Variants in BCL7A observed in about 807,000 individuals in gnomAD.
The protein encoded by BCL7A is B-cell CLL/lymphoma 7 protein family member A.
A neutral mutation model predicts 28.4 loss-of-function variants in BCL7A; 11 were observed. That is an observed-to-expected ratio of 0.39 (90% CI 0.24 to 0.64). The LOEUF (loss-of-function observed/expected upper bound fraction) is 0.64, where lower values mean the gene tolerates loss of function less well. Ranked by LOEUF, BCL7A falls within the 30% of genes least tolerant of loss-of-function variation. BCL7A has a pLI of 0.50. For missense variants in BCL7A, 222 were observed against 274.8 expected (o/e 0.81, Z 1.36); for synonymous variants, 123 against 103.3 (o/e 1.19, Z -1.15).
At chr12:122,031,049 CAG>C (rs1209536825) in intron 2 of BCL7A, among the ~76,000 whole-genome samples, 1 of 152,018 alleles carries the variant, frequency 6.6e-6, no homozygotes, top group Non-Finnish European at 1.5e-5. Context: ...CTTTTTGATA[CAG>C]AGTCTCACTC....
chr12:122,025,377 G>C (rs530484218), intron 1 of BCL7A, among the ~76,000 whole-genome samples: 3 of 152,236 alleles, frequency 2.0e-5, no homozygotes, highest in Middle Eastern at 3.4e-3. Flanking sequence ...TGTAATTTCA[G>C]CACTCTGGGA....
intron 1 of BCL7A, among the ~76,000 whole-genome samples, chr12:122,023,645 G>A (rs2135834839): frequency 6.6e-6 from 1 of 152,324 alleles, no homozygotes; most frequent in South Asian, 2.1e-4. Flanking sequence ...AGAAGGGGAG[G>A]CTTTCCAAAG....
intron 4 of BCL7A, among the ~76,000 whole-genome samples, chr12:122,045,143 G>C (rs1288849024): frequency 6.6e-6 from 1 of 152,152 alleles, no homozygotes; most frequent in Non-Finnish European, 1.5e-5. Flanking sequence ...CACTTTGGGA[G>C]GCCGAGGCAG....
intron 4 of BCL7A, among the ~76,000 whole-genome samples, chr12:122,049,914 A>G (rs912353119): frequency 6.6e-6 from 1 of 151,668 alleles, no homozygotes; most frequent in African/African-American, 2.4e-5. Context: ...AGTCATGGGT[A>G]GGATGACACC....
chr12:122,052,545 C>T (rs560647134), intron 4 of BCL7A, among the ~76,000 whole-genome samples: 10 of 152,344 alleles, frequency 6.6e-5, no homozygotes, highest in African/African-American at 1.2e-4. Flanking sequence ...AGGGCAACCA[C>T]GAAACTTTCT....
intron 1 of BCL7A, among the ~76,000 whole-genome samples, chr12:122,023,942 A>C (rs1883544907): frequency 1.3e-5 from 2 of 152,194 alleles, no homozygotes; most frequent in South Asian, 2.1e-4. Context: ...TCTCTGCTCG[A>C]GGAGGCGTGG....
intron 1 of BCL7A, among the ~76,000 whole-genome samples, chr12:122,022,973 C>T (rs916682743): frequency 6.6e-6 from 1 of 152,278 alleles, no homozygotes; most frequent in Non-Finnish European, 1.5e-5. Flanking sequence ...TGCCTCTCCA[C>T]ACCGGGAGCT....
At chr12:122,025,636 A>AAG (rs1565934113) in intron 1 of BCL7A, among the ~76,000 whole-genome samples, 1 of 149,650 alleles carries the variant, frequency 6.7e-6, no homozygotes, top group Admixed American at 6.7e-5. Flanking sequence ...CAAAAAAAAA[A>AAG]AAGAAGAAGA....
At chr12:122,036,566 A>G (rs1365570195) in intron 3 of BCL7A, among the ~76,000 whole-genome samples, 1 of 152,082 alleles carries the variant, frequency 6.6e-6, no homozygotes, top group African/African-American at 2.4e-5. Context: ...GACTCCATGA[A>G]ATGTTCCCAA....
At chr12:122,040,843 A>G (rs1303499420) in intron 3 of BCL7A, among the ~76,000 whole-genome samples, 1 of 152,138 alleles carries the variant, frequency 6.6e-6, no homozygotes, top group Non-Finnish European at 1.5e-5. Flanking sequence ...AGTTAGCCCA[A>G]GTATCAGGGT....
intron 4 of BCL7A, among the ~76,000 whole-genome samples, chr12:122,051,988 C>T (rs1884201788): frequency 6.7e-6 from 1 of 148,752 alleles, no homozygotes; most frequent in Non-Finnish European, 1.5e-5. Context: ...GATTCTCCTG[C>T]CTCAGCCACC....
chr12:122,035,408 A>C lies in BCL7A; in HGVS notation c.252A>C (p.Pro84=), dbSNP rs1293398669. Residue 84 remains proline (P), a synonymous_variant, in exon 3 of 6, where the codon CCA becomes CCC. Coordinates refer to ENST00000261822, the MANE Select transcript of BCL7A (RefSeq NM_001024808.3). ...CCACTCCGGAGAACAGTTCCTCCCC[A>C]GGGATGATGGACATGCATGGTGAGT... ...EVTTPENSSS[P]GMMDMHDDNS... The C allele has an allele frequency of 6.2e-7, 1 of 1,614,120 alleles. No homozygotes were observed. Among genetic ancestry groups the C allele is most frequent in the South Asian group, 1.1e-5 (1 of 91,086 alleles).
chr12:122,038,194 G>C (rs1883893681), intron 3 of BCL7A, among the ~76,000 whole-genome samples: 1 of 152,042 alleles, frequency 6.6e-6, no homozygotes, highest in South Asian at 2.1e-4. Context: ...CACTTTGGGA[G>C]GCTGGTGTGG....
rs1174043868 is a variant in BCL7A, at chr12:122,061,865, G to A, written c.*2702G>A. On this transcript the variant is annotated 3_prime_UTR_variant, in exon 6 of 6. Coordinates refer to ENST00000261822, the MANE Select transcript of BCL7A (RefSeq NM_001024808.3). The stretch of plus-strand genomic sequence containing the variant: ...GAATGTTCATTATCGCCAAGAACCT[G>A]GTTAGAGGCATAAAGACCTTTTTTC... The A allele has an allele frequency of 4.5e-6, 1 of 223,582 alleles. No individual in the cohort carries two copies. The highest frequency in any genetic ancestry group is 8.9e-6 in the Non-Finnish European group (1 of 111,938). 13.8% of individuals were successfully genotyped at this position (223,582 alleles called of 1,614,324 possible).
intron 1 of BCL7A, among the ~76,000 whole-genome samples, chr12:122,028,346 C>A (rs915519376): frequency 6.6e-6 from 1 of 151,960 alleles, no homozygotes; most frequent in Admixed American, 6.6e-5. Context: ...GATTTGCGGC[C>A]GCAAAGCCCA....
intron 4 of BCL7A, among the ~76,000 whole-genome samples, chr12:122,044,610 G>T (rs886463221): frequency 4.6e-5 from 7 of 151,966 alleles, no homozygotes; most frequent in Non-Finnish European, 1.0e-4. Context: ...ATCACTTGAG[G>T]CCAAGAGTTT....
Position 122,030,762 on chromosome 12 carries a change from C to T in BCL7A, c.155C>T (p.Thr52Met), listed in dbSNP as rs749055080. 26 of 1,613,938 alleles carry T rather than the reference C, an allele frequency of 1.6e-5. No homozygotes were observed. Among genetic ancestry groups the T allele is most frequent in the Non-Finnish European group, 1.9e-5 (23 of 1,179,926 alleles). ...CGAATCTACAAATGGGTCCCTGTGA[C>T]GGAGCCCAAGGTTGATGACGTGAGT... The part of the protein sequence containing the change: ...SLRIYKWVPV[T>M]EPKVDDKNKN... The change falls in exon 2 of 6, where the codon ACG becomes ATG. Residue 52 changes from threonine to methionine, a missense_variant. Physicochemically the swap from Thr to Met is moderately conservative, Grantham distance 81 (BLOSUM62 -1). Transcript: ENST00000261822.
chr12:122,050,982 C>T (rs1254932980), intron 4 of BCL7A, among the ~76,000 whole-genome samples: 3 of 152,202 alleles, frequency 2.0e-5, no homozygotes, highest in South Asian at 2.1e-4. Flanking sequence ...ACATGGGCTT[C>T]GTGTGCAGCC....
chr12:122,050,694 G>T (rs1236531277), intron 4 of BCL7A, among the ~76,000 whole-genome samples: 1 of 152,224 alleles, frequency 6.6e-6, no homozygotes. Context: ...TACTCGGGAG[G>T]CTAAGGTGGG....
Sources: gnomAD v4.1 joint callset for allele counts (sites outside exome capture counted in the v4.1 genomes callset) on GRCh38, gnomAD v4.1.1 for gene constraint, MANE v1.5 for transcripts, NCBI Gene and HGNC (gene_info 2026-07-23, HGNC 2026-07-21) for gene names.